The following PLXNA4 variants were observed in gnomAD, a reference collection of about 807,000 sequenced individuals.
The protein encoded by PLXNA4 is plexin A4.
Under a neutral mutation model 191.8 loss-of-function variants are expected in PLXNA4, and 44 were observed. That is an observed-to-expected ratio of 0.23 (90% CI 0.18 to 0.29). The LOEUF is 0.29. Among genes scored for constraint, PLXNA4 ranks in the 10% least tolerant of loss-of-function variants. PLXNA4 has a pLI of 1.00. For synonymous variants in PLXNA4, 1,082 were observed against 1,009.5 expected (o/e 1.07, Z -1.36); for missense variants, 1,800 against 2,488.8 (o/e 0.72, Z 5.89).
chr7:132,352,655 G>C (rs992094545), intron 3 of PLXNA4, among the ~76,000 whole-genome samples: 2 of 152,144 alleles, frequency 1.3e-5, no homozygotes, highest in Admixed American at 6.5e-5. Context: ...AACACTCTCC[G>C]GGCTGGTGGC....
chr7:132,334,786 C>T (rs1802752146), intron 3 of PLXNA4, among the ~76,000 whole-genome samples: 1 of 152,200 alleles, frequency 6.6e-6, no homozygotes, highest in South Asian at 2.1e-4. Context: ...TTTCTACCAA[C>T]CTGCCCTCAG....
chr7:132,617,251 C>G (rs1480378984), intron 2 of PLXNA4, among the ~76,000 whole-genome samples: 1 of 152,104 alleles, frequency 6.6e-6, no homozygotes, highest in Non-Finnish European at 1.5e-5. Context: ...TGACAGGGAG[C>G]CACAGTGCCA....
At chr7:132,583,305 A>G (rs188171938) in intron 2 of PLXNA4, among the ~76,000 whole-genome samples, 3 of 152,314 alleles carry the variant, frequency 2.0e-5, no homozygotes, top group Admixed American at 2.0e-4. Flanking sequence ...AACCCGTGCT[A>G]CACCACAGGG....
At chr7:132,574,505 CG>C (rs1802133957) in intron 1 of PLXNA4, among the ~76,000 whole-genome samples, 1 of 152,168 alleles carries the variant, frequency 6.6e-6, no homozygotes, top group Admixed American at 6.5e-5. Context: ...ATGGCGGGGG[CG>C]GGGAGCTGAC....
chr7:132,142,694 G>A (rs568750330), intron 29 of PLXNA4, among the ~76,000 whole-genome samples: 3 of 152,306 alleles, frequency 2.0e-5, no homozygotes, highest in Non-Finnish European at 2.9e-5. Flanking sequence ...TGGCACCCAG[G>A]AAAGCTCAGA....
chr7:132,287,381 C>CT (rs1164755626), intron 4 of PLXNA4, among the ~76,000 whole-genome samples: 1 of 152,208 alleles, frequency 6.6e-6, no homozygotes, highest in Admixed American at 6.5e-5. Flanking sequence ...TAAAAGCCTA[C>CT]TACGTGCTAG....
intron 3 of PLXNA4, 82 bp downstream of exon 3, chr7:132,489,210 G>A (rs1797682009): frequency 7.0e-7 from 1 of 1,426,154 alleles, no homozygotes; most frequent in Non-Finnish European, 9.5e-7. Context: ...GCCCAAGTTA[G>A]CAAAAAGATG....
intron 3 of PLXNA4, among the ~76,000 whole-genome samples, chr7:132,436,752 G>C (rs962685974): frequency 2.0e-5 from 3 of 152,206 alleles, no homozygotes; most frequent in African/African-American, 7.2e-5. Flanking sequence ...GTGAGCGAGA[G>C]AGAGGAAAGG....
intron 3 of PLXNA4, among the ~76,000 whole-genome samples, chr7:132,324,077 T>G (rs188453333): frequency 6.6e-6 from 1 of 152,166 alleles, no homozygotes; most frequent in East Asian, 1.9e-4. Context: ...TTTACAAAAA[T>G]TAGGCTCTAT....
At chr7:132,501,202 G>A (rs1798235505) in intron 2 of PLXNA4, among the ~76,000 whole-genome samples, 1 of 152,224 alleles carries the variant, frequency 6.6e-6, no homozygotes. Flanking sequence ...AAGGCTAAGA[G>A]AGGACCGTGC....
At chr7:132,162,732 G>C (rs912485233) in intron 24 of PLXNA4, among the ~76,000 whole-genome samples, 1 of 151,992 alleles carries the variant, frequency 6.6e-6, no homozygotes, top group Non-Finnish European at 1.5e-5. Context: ...TCATTCACAG[G>C]CTGCTCCTTT....
chr7:132,141,140 C>A (rs7792452), intron 29 of PLXNA4, among the ~76,000 whole-genome samples: 12,799 of 152,154 alleles, frequency 0.084, 1,798 homozygotes, highest in African/African-American at 0.29. Context: ...ATGATGTATG[C>A]TATAAAGCGG....
At chr7:132,475,671 G>A (rs946331582) in intron 3 of PLXNA4, among the ~76,000 whole-genome samples, 5 of 152,034 alleles carry the variant, frequency 3.3e-5, no homozygotes, top group African/African-American at 9.7e-5. Context: ...CTAATTATGG[G>A]ACTCACACTT....
chr7:132,472,563 A>T (rs955699484), intron 3 of PLXNA4, among the ~76,000 whole-genome samples: 32 of 152,200 alleles, frequency 2.1e-4, no homozygotes, highest in African/African-American at 7.7e-4. Flanking sequence ...AGTGCACGGG[A>T]CACACCCCCA....
At chr7:132,517,409 G>C (rs780969513) in intron 1 of PLXNA4, among the ~76,000 whole-genome samples, 2 of 152,190 alleles carry the variant, frequency 1.3e-5, no homozygotes, top group Non-Finnish European at 2.9e-5. Context: ...GGATGGTGGA[G>C]CCTCAAGATG....
intron 1 of PLXNA4, among the ~76,000 whole-genome samples, chr7:132,546,236 G>T (rs1001583855): frequency 1.3e-5 from 2 of 152,184 alleles, no homozygotes; most frequent in Admixed American, 6.5e-5. Flanking sequence ...AAAGGGCTAG[G>T]ATGTGGAAAT....
intron 2 of PLXNA4, among the ~76,000 whole-genome samples, chr7:132,494,900 C>A (rs1418398233): frequency 6.6e-6 from 1 of 152,150 alleles, no homozygotes; most frequent in African/African-American, 2.4e-5. Flanking sequence ...GCCCAAGGAC[C>A]CCAGAAGTGC....
At chr7:132,149,112 G>A (rs1584764791) in intron 25 of PLXNA4, among the ~76,000 whole-genome samples, 1 of 152,114 alleles carries the variant, frequency 6.6e-6, no homozygotes, top group East Asian at 1.9e-4. Context: ...CTGTTCCAGG[G>A]GTGTATCCTA....
intron 2 of PLXNA4, among the ~76,000 whole-genome samples, chr7:132,597,887 A>C (rs1802746407): frequency 7.2e-6 from 1 of 139,672 alleles, no homozygotes; most frequent in Admixed American, 7.4e-5. Flanking sequence ...CCAATCTGTA[A>C]TTTTTAACTT....
Sources: gnomAD v4.1 joint callset for allele counts (sites outside exome capture counted in the v4.1 genomes callset) on GRCh38, gnomAD v4.1.1 for gene constraint, MANE v1.5 for transcripts, NCBI Gene and HGNC (gene_info 2026-07-23, HGNC 2026-07-21) for gene names.